The following WDR64 variants were observed in gnomAD, a reference collection of about 807,000 sequenced individuals.
WDR64 encodes the protein WD repeat-containing protein 64.
In WDR64, 112 loss-of-function variants were observed where a neutral mutation model predicts 139.3. That is an observed-to-expected ratio of 0.80 (90% CI 0.69 to 0.94). The LOEUF is 0.94. Among genes scored for constraint, WDR64 ranks in the 40% least tolerant of loss-of-function variants. The pLI is 0.00. For synonymous variants in WDR64, 444 were observed against 437.7 expected, an observed-to-expected ratio of 1.01 and a Z score of -0.18; for missense variants, 1,206 against 1,293.1, an observed-to-expected ratio of 0.93 and a Z score of 1.03.
rs545241617 is a variant in WDR64 at position 241,655,344 on chromosome 1, G to A, written c.145+2715G>A. 8.5e-5 allele frequency among the ~76,000 whole-genome samples: 13 copies of A among 152,178 alleles called. No homozygotes were observed. In the South Asian group the frequency reaches 1.9e-3, roughly 22 times the overall value. On this transcript the variant is annotated intron_variant, in intron 1 of 27. Coordinates refer to ENST00000437684, the MANE Select transcript of WDR64 (RefSeq NM_001367482.1). ...GCAGAGGTTGCAGTGAGCCAAGATCGCACCACTGCACTCCAGCCTGGGCTA... is the reference window on the plus strand; with the variant it reads ...GCAGAGGTTGCAGTGAGCCAAGATCACACCACTGCACTCCAGCCTGGGCTA...
Position 241,757,168 on chromosome 1 carries a change from T to C in WDR64, c.1771-115T>C, listed in dbSNP as rs59412777. The C allele has an allele frequency of 0.012, 10,943 of 932,776 alleles. 835 individuals are homozygous for C. In the African/African-American group the frequency reaches 0.16, roughly 14 times the overall value. 57.8% of individuals were successfully genotyped at this position (932,776 alleles called of 1,614,324 possible). ...GCAAGGAATAGATGGGGCTGAAGATTTGGTAAAGCTAGATGGTAGATACAT... is the reference window on the plus strand; with the variant it reads ...GCAAGGAATAGATGGGGCTGAAGATCTGGTAAAGCTAGATGGTAGATACAT... On this transcript the variant is annotated intron_variant, in intron 14 of 27. Transcript: ENST00000437684.
At chr1:241,733,602 T>C (rs964371492) in intron 10 of WDR64, among the ~76,000 whole-genome samples, 8 of 150,578 alleles carry the variant, frequency 5.3e-5, no homozygotes, top group Non-Finnish European at 1.2e-4. Flanking sequence ...ATAATGCATA[T>C]ATACATATAT....
intron 10 of WDR64, among the ~76,000 whole-genome samples, chr1:241,733,127 T>C (rs532609351): frequency 1.3e-5 from 2 of 151,746 alleles, no homozygotes; most frequent in East Asian, 1.9e-4. Context: ...TAGTTGAATG[T>C]TTTTCCCATT....
intron 8 of WDR64, among the ~76,000 whole-genome samples, chr1:241,711,445 C>T (rs1011072194): frequency 6.6e-6 from 1 of 152,010 alleles, no homozygotes. Context: ...CAAAAGGGTT[C>T]CTGGCATTAT....
chr1:241,694,930 G>T (rs886310887), intron 8 of WDR64, among the ~76,000 whole-genome samples: 1 of 152,084 alleles, frequency 6.6e-6, no homozygotes, highest in Non-Finnish European at 1.5e-5. Context: ...TCTAAGCCAC[G>T]ACCCCTGCCT....
chr1:241,727,990 C>G (rs532843491), intron 10 of WDR64, among the ~76,000 whole-genome samples: 1 of 152,082 alleles, frequency 6.6e-6, no homozygotes, highest in Admixed American at 6.6e-5. Context: ...TCAGGGGAAC[C>G]AGCCCCGTGA....
At chr1:241,655,898 G>A (rs12067563) in intron 1 of WDR64, among the ~76,000 whole-genome samples, 29 of 151,900 alleles carry the variant, frequency 1.9e-4, no homozygotes, top group Non-Finnish European at 3.1e-4. Flanking sequence ...GTGTTCATTC[G>A]TTCCTGCCCC....
intron 10 of WDR64, among the ~76,000 whole-genome samples, chr1:241,736,609 T>C (rs985696442): frequency 6.6e-6 from 1 of 151,908 alleles, no homozygotes; most frequent in African/African-American, 2.4e-5. Flanking sequence ...CCCTAGAGGG[T>C]AGGAGCAGTA....
chr1:241,750,644 T>TA lies in WDR64; in HGVS notation c.1770+924dup, dbSNP rs1056367383. On this transcript the variant is annotated intron_variant, in intron 14 of 27. Transcript: ENST00000437684. ...TCTGTTGTCACAAATGCTCCTTTTTTAAGGGCTGCAAAAAGTAGCATGGAA... is the reference window on the plus strand; with the variant it reads ...TCTGTTGTCACAAATGCTCCTTTTTTAAAGGGCTGCAAAAAGTAGCATGGAA... Among the ~76,000 whole-genome samples the TA allele has an allele frequency of 7.2e-4, 110 of 152,338 alleles. 1 individual carries two copies. Among genetic ancestry groups the TA allele is most frequent in the African/African-American group, 2.5e-3 (104 of 41,578 alleles).
chr1:241,665,007 G>A (rs1316980552), intron 2 of WDR64, among the ~76,000 whole-genome samples: 2 of 151,926 alleles, frequency 1.3e-5, no homozygotes, highest in African/African-American at 4.8e-5. Context: ...GACCAGGCTG[G>A]GCAACATGGT....
chr1:241,715,551 G>A (rs1574035973), intron 9 of WDR64, among the ~76,000 whole-genome samples: 2 of 152,150 alleles, frequency 1.3e-5, no homozygotes, highest in Admixed American at 1.3e-4. Context: ...TCCTGTCGCC[G>A]TTGCATGTCT....
chr1:241,716,421 T>C (rs1446256949), intron 9 of WDR64, among the ~76,000 whole-genome samples: 1 of 152,136 alleles, frequency 6.6e-6, no homozygotes, highest in Non-Finnish European at 1.5e-5. Context: ...ATTAAGTTCT[T>C]AGTATGGAAG....
intron 27 of WDR64, among the ~76,000 whole-genome samples, chr1:241,799,597 T>TA (rs1053097608): frequency 6.6e-6 from 1 of 152,190 alleles, no homozygotes; most frequent in Non-Finnish European, 1.5e-5. Flanking sequence ...ATCCTCCTGT[T>TA]ACAGTTAAGA....
chr1:241,708,707 T>G (rs1668053914), intron 8 of WDR64, among the ~76,000 whole-genome samples: 1 of 99,940 alleles, frequency 1.0e-5, no homozygotes, highest in Non-Finnish European at 2.3e-5. Flanking sequence ...TTTTTTTGTT[T>G]TTTTGTTTTT....
rs752103027 is a variant in WDR64 at position 241,660,511 on chromosome 1, T to A, written c.146-19T>A. 5.8e-6 allele frequency: 9 copies of A among 1,549,496 alleles called. No individual in the cohort carries two copies. The highest frequency in any genetic ancestry group is 7.9e-6 in the Non-Finnish European group (9 of 1,145,488). On this transcript the variant is annotated intron_variant, in intron 1 of 27. Transcript: ENST00000437684. ...TCCTTGGAATTTGATGAAAATGGAC[T>A]GTACTTTTTTCAATGCAGATGCAAT... is the stretch of plus-strand genomic sequence containing the variant.
rs577562199 is a variant in WDR64, at chr1:241,726,542, G to T, written c.1194+3106G>T. On this transcript the variant is annotated intron_variant, in intron 10 of 27. Coordinates refer to ENST00000437684, the MANE Select transcript of WDR64 (RefSeq NM_001367482.1). ...GCAGTTGAAAAAGAGAGATAATTAG[G>T]GTGATGTACCAATAAAGTAAAATTC... 1.2e-3 allele frequency among the ~76,000 whole-genome samples: 190 copies of T among 152,052 alleles called. 1 individual carries two copies. Among genetic ancestry groups the T allele is most frequent in the Non-Finnish European group, 2.3e-3 (158 of 67,994 alleles).
intron 13 of WDR64, 72 bp downstream of exon 13, chr1:241,744,588 T>A: frequency 1.3e-6 from 2 of 1,591,316 alleles, no homozygotes; most frequent in Non-Finnish European, 1.7e-6. Context: ...ACTCTTTCGT[T>A]CTTTAGGGTA....
chr1:241,740,757 C>T (rs1002828683), intron 11 of WDR64, among the ~76,000 whole-genome samples: 18 of 151,892 alleles, frequency 1.2e-4, no homozygotes, highest in African/African-American at 4.1e-4. Flanking sequence ...AACCTCCCTC[C>T]GGGGTTCAAG....
At chr1:241,737,881 A>C (rs6695661) in intron 10 of WDR64, among the ~76,000 whole-genome samples, 54,116 of 152,036 alleles carry the variant, frequency 0.36, 9,859 homozygotes, top group East Asian at 0.51. Flanking sequence ...TATAATTCTT[A>C]CATATCTGGG....
Sources: allele counts gnomAD v4.1 joint callset (sites outside exome capture counted in the v4.1 genomes callset), GRCh38; gene constraint gnomAD v4.1.1; transcripts MANE v1.5; gene names NCBI Gene and HGNC (gene_info 2026-07-23, HGNC 2026-07-21).